NFIB: variants seen among roughly 807,000 people sequenced by gnomAD.
The protein encoded by NFIB is nuclear factor I B, also known as nuclear factor 1 B-type.
Under a neutral mutation model 61.5 loss-of-function variants are expected in NFIB, and 11 were observed. That is an observed-to-expected ratio of 0.18 (90% confidence interval 0.11 to 0.30). NFIB has a LOEUF of 0.30. NFIB is among the 10% of genes least tolerant of loss of function. The pLI is 1.00. For missense variants in NFIB, 471 were observed against 608.9 expected, an observed-to-expected ratio of 0.77 and a Z score of 2.38; for synonymous variants, 260 against 216.5, an observed-to-expected ratio of 1.20 and a Z score of -1.76.
intron 2 of NFIB, among the ~76,000 whole-genome samples, chr9:14,260,756 T>C (rs1587990323): frequency 6.6e-6 from 1 of 152,258 alleles, no homozygotes; most frequent in South Asian, 2.1e-4. Flanking sequence ...CAATCACAGA[T>C]CTGTCTTCTA....
At chr9:14,494,526 G>A in the NFIB span, among the ~76,000 whole-genome samples, 1 of 152,010 alleles carries the variant, frequency 6.6e-6, no homozygotes, top group Non-Finnish European at 1.5e-5. Flanking sequence ...TTTCTTTTTC[G>A]CAGATCCAGG....
At chr9:14,136,006 A>C (rs931701910) in intron 6 of NFIB, among the ~76,000 whole-genome samples, 1 of 152,128 alleles carries the variant, frequency 6.6e-6, no homozygotes, top group African/African-American at 2.4e-5. Context: ...TACAAGTCTC[A>C]ATTTTATCAC....
chr9:14,170,390 C>G (rs1235270586), intron 3 of NFIB, among the ~76,000 whole-genome samples: 1 of 152,116 alleles, frequency 6.6e-6, no homozygotes, highest in East Asian at 1.9e-4. Flanking sequence ...GCTTATAATC[C>G]CAACACTTTG....
At chr9:14,279,615 T>C (rs780023610) in intron 2 of NFIB, among the ~76,000 whole-genome samples, 7 of 152,150 alleles carry the variant, frequency 4.6e-5, no homozygotes, top group Non-Finnish European at 1.0e-4. Context: ...CATCTACAAC[T>C]CAAAGCACCT....
At chr9:14,199,287 G>A (rs1320837632) in intron 2 of NFIB, among the ~76,000 whole-genome samples, 1 of 152,210 alleles carries the variant, frequency 6.6e-6, no homozygotes, top group Non-Finnish European at 1.5e-5. Context: ...ACAGGAAGCC[G>A]GGAGCTGGCC....
At position 14,278,138 on chromosome 9, in the gene NFIB, A is replaced by T. The variant is rs546155046; in HGVS notation, c.562+28851T>A. The stretch of plus-strand genomic sequence containing the variant: ...ATCCTGATGACCAGTATGTCTTTCT[A>T]ATTAGAATCAATGCAGTAATCATTA... On this transcript the variant is annotated intron_variant, in intron 2 of 10. Transcript: ENST00000380953. Among the ~76,000 whole-genome samples the T allele has an allele frequency of 1.6e-4, 25 of 152,314 alleles. No individual in the cohort carries two copies. In the South Asian group the frequency reaches 3.7e-3, roughly 23 times the overall value.
At chr9:14,398,412 G>C in intron 1 of NFIB, 1 of 711,854 alleles carries the variant, frequency 1.4e-6, no homozygotes, top group Non-Finnish European at 2.2e-6. Context: ...CAACAGGAAG[G>C]ACCTTCTCTA....
the NFIB span, among the ~76,000 whole-genome samples, chr9:14,505,678 T>C: frequency 8.6e-5 from 13 of 152,042 alleles, no homozygotes; most frequent in Non-Finnish European, 1.8e-4. Flanking sequence ...CTGTAGGACT[T>C]GGTAGGGAGA....
At chr9:14,466,018 G>C in the NFIB span, among the ~76,000 whole-genome samples, 2 of 152,164 alleles carry the variant, frequency 1.3e-5, no homozygotes, top group Non-Finnish European at 2.9e-5. Context: ...GCAGGACTGA[G>C]AGAGAGTCGA....
chr9:14,244,712 T>C (rs762440659), intron 2 of NFIB, among the ~76,000 whole-genome samples: 1 of 152,278 alleles, frequency 6.6e-6, no homozygotes, highest in African/African-American at 2.4e-5. Flanking sequence ...ACAAAGATAA[T>C]AGGCTCAAAG....
intron 1 of NFIB, chr9:14,321,866 T>G: frequency 8.1e-7 from 1 of 1,230,306 alleles, no homozygotes. Flanking sequence ...AAAGAAAAAC[T>G]GTGCCAGGGA....
At chr9:14,458,256 T>A in the NFIB span, among the ~76,000 whole-genome samples, 1 of 152,258 alleles carries the variant, frequency 6.6e-6, no homozygotes, top group East Asian at 1.9e-4. Flanking sequence ...ACAGAACCAG[T>A]GACAAAAACC....
At chr9:14,154,608 G>T (rs1587097471) in intron 4 of NFIB, among the ~76,000 whole-genome samples, 1 of 152,106 alleles carries the variant, frequency 6.6e-6, no homozygotes, top group Admixed American at 6.6e-5. Context: ...CAGAATACAG[G>T]ATATTTGTGT....
intron 2 of NFIB, among the ~76,000 whole-genome samples, chr9:14,266,752 C>A (rs72698801): frequency 0.065 from 9,868 of 152,182 alleles, 611 homozygotes; most frequent in East Asian, 0.28. Flanking sequence ...CTACATCTAT[C>A]ATCACCAAGT....
chr9:14,213,344 C>A (rs193264964), intron 2 of NFIB, among the ~76,000 whole-genome samples: 1 of 152,152 alleles, frequency 6.6e-6, no homozygotes, highest in Non-Finnish European at 1.5e-5. Context: ...CCTTGTTAGT[C>A]ACATAAGGGA....
the NFIB span, among the ~76,000 whole-genome samples, chr9:14,466,736 C>G: frequency 1.3e-5 from 2 of 152,148 alleles, no homozygotes; most frequent in African/African-American, 4.8e-5. Flanking sequence ...TTTATGTCTG[C>G]CTTTGTTATT....
Position 14,083,689 on chromosome 9 carries a change from C to T in NFIB, c.*4620G>A. 1 of 223,960 alleles carries T rather than the reference C, an allele frequency of 4.5e-6. No homozygotes were observed. Among genetic ancestry groups the T allele is most frequent in the Admixed American group, 5.7e-5 (1 of 17,484 alleles). 13.9% of individuals were successfully genotyped at this position (223,960 alleles called of 1,614,324 possible). Reference sequence around the variant, plus strand: ...CTGAATATGGGATAACTTTCTGCAGCCTTCATCATTTCACACAGTACATAG... The same window carrying T: ...CTGAATATGGGATAACTTTCTGCAGTCTTCATCATTTCACACAGTACATAG... On this transcript the variant is annotated 3_prime_UTR_variant, in exon 11 of 11. Coordinates refer to ENST00000380953, the MANE Select transcript of NFIB (RefSeq NM_001190737.2).
At chr9:14,168,234 TG>T (rs1184593333) in intron 3 of NFIB, among the ~76,000 whole-genome samples, 3 of 152,222 alleles carry the variant, frequency 2.0e-5, no homozygotes, top group Non-Finnish European at 4.4e-5. Flanking sequence ...TCATAAATCT[TG>T]GACATTGTCT....
upstream of NFIB, chr9:14,314,318 C>T (rs1220775891): frequency 4.4e-5 from 9 of 205,060 alleles, no homozygotes; most frequent in African/African-American, 9.6e-5. Flanking sequence ...GGGTCTTCGG[C>T]GCCCGGCCGC....
Sources: allele counts gnomAD v4.1 joint callset (sites outside exome capture counted in the v4.1 genomes callset), GRCh38; gene constraint gnomAD v4.1.1; transcripts MANE v1.5; gene names NCBI Gene and HGNC (gene_info 2026-07-23, HGNC 2026-07-21).